PPP3CA: variants seen among roughly 807,000 people sequenced by gnomAD.
PPP3CA encodes protein phosphatase 3 catalytic subunit alpha.
PPP3CA carries 14 observed loss-of-function variants against 66.5 expected under a neutral mutation model. That is an observed-to-expected ratio of 0.21 (90% CI 0.14 to 0.33). The LOEUF (loss-of-function observed/expected upper bound fraction) is 0.33. PPP3CA is among the 10% of genes least tolerant of loss of function. PPP3CA has a pLI of 1.00. For synonymous variants in PPP3CA, 232 were observed against 226.2 expected, an observed-to-expected ratio of 1.03 and a Z score of -0.23; for missense variants, 317 against 639.5, an observed-to-expected ratio of 0.50 and a Z score of 5.44.
intron 1 of PPP3CA, among the ~76,000 whole-genome samples, chr4:101,272,247 T>C (rs1217891138): frequency 6.6e-6 from 1 of 152,208 alleles, no homozygotes; most frequent in Non-Finnish European, 1.5e-5. Context: ...ACATTCATTA[T>C]CTCATTTATC....
intron 2 of PPP3CA, among the ~76,000 whole-genome samples, chr4:101,142,377 G>A (rs571433892): frequency 5.9e-5 from 9 of 152,334 alleles, no homozygotes; most frequent in African/African-American, 1.9e-4. Context: ...GATATCGGCA[G>A]AGTAGTGGAG....
chr4:101,084,597 C>T (rs1375585828), intron 6 of PPP3CA, among the ~76,000 whole-genome samples: 4 of 150,658 alleles, frequency 2.7e-5, no homozygotes, highest in Non-Finnish European at 4.4e-5. Context: ...GAGTCGAGAA[C>T]GCACCATTGC....
chr4:101,195,398 T>C (rs1724756913), intron 2 of PPP3CA, among the ~76,000 whole-genome samples: 1 of 152,124 alleles, frequency 6.6e-6, no homozygotes, highest in Non-Finnish European at 1.5e-5. Flanking sequence ...GAGGGCTGGA[T>C]AAGACACAGA....
intron 10 of PPP3CA, among the ~76,000 whole-genome samples, chr4:101,044,149 C>G (rs1727659803): frequency 6.6e-6 from 1 of 152,120 alleles, no homozygotes; most frequent in Non-Finnish European, 1.5e-5. Flanking sequence ...TGTAAAGGAG[C>G]TGAACAACAG....
At chr4:101,092,670 G>T (rs1460986680) in intron 6 of PPP3CA, among the ~76,000 whole-genome samples, 1 of 151,880 alleles carries the variant, frequency 6.6e-6, no homozygotes, top group Non-Finnish European at 1.5e-5. Flanking sequence ...TCCCACTTAT[G>T]AGTGAGAACA....
At chr4:101,124,652 GGAGA>G (rs565496634) in intron 2 of PPP3CA, among the ~76,000 whole-genome samples, 2 of 123,292 alleles carry the variant, frequency 1.6e-5, no homozygotes, top group South Asian at 2.7e-4. Context: ...AGAAAGAGAG[GGAGA>G]GAGAGACAGA....
At chr4:101,253,667 G>T (rs903345048) in intron 1 of PPP3CA, among the ~76,000 whole-genome samples, 2 of 152,030 alleles carry the variant, frequency 1.3e-5, no homozygotes, top group Non-Finnish European at 2.9e-5. Context: ...TGTGTTTACA[G>T]ATTATCTGAT....
intron 1 of PPP3CA, among the ~76,000 whole-genome samples, chr4:101,301,718 C>T (rs1210328815): frequency 1.3e-5 from 2 of 148,862 alleles, no homozygotes; most frequent in Non-Finnish European, 3.0e-5. Flanking sequence ...GGTCTTAGCT[C>T]CTGACCTCGT....
intron 2 of PPP3CA, among the ~76,000 whole-genome samples, chr4:101,133,350 A>G (rs1393829310): frequency 6.6e-6 from 1 of 152,186 alleles, no homozygotes; most frequent in Non-Finnish European, 1.5e-5. Context: ...TTAGAAAAAC[A>G]CATCATCTCA....
At chr4:101,299,114 T>TTG (rs1207642683) in intron 1 of PPP3CA, among the ~76,000 whole-genome samples, 1 of 93,062 alleles carries the variant, frequency 1.1e-5, no homozygotes, top group African/African-American at 4.4e-5. Context: ...TCGTTTTTTT[T>TTG]TTTTTTTTTT....
intron 6 of PPP3CA, among the ~76,000 whole-genome samples, chr4:101,092,011 T>C (rs1490118326): frequency 1.3e-5 from 2 of 152,064 alleles, no homozygotes; most frequent in Admixed American, 6.6e-5. Flanking sequence ...TAAGAGACTT[T>C]AGTGAAACTG....
chr4:101,152,970 T>G (rs1723190894), intron 2 of PPP3CA, among the ~76,000 whole-genome samples: 1 of 152,002 alleles, frequency 6.6e-6, no homozygotes, highest in African/African-American at 2.4e-5. Flanking sequence ...AAAGGGTGAG[T>G]AAGGTTTATC....
At chr4:101,270,210 G>T (rs1727293470) in intron 1 of PPP3CA, among the ~76,000 whole-genome samples, 1 of 152,108 alleles carries the variant, frequency 6.6e-6, no homozygotes. Context: ...TATAGCTACT[G>T]CATAAAAAGG....
At chr4:101,089,524 CT>C (rs1044885231) in intron 6 of PPP3CA, among the ~76,000 whole-genome samples, 3 of 152,134 alleles carry the variant, frequency 2.0e-5, no homozygotes, top group Non-Finnish European at 4.4e-5. Context: ...TTTAAAAGAG[CT>C]TTAGGGTGTC....
intron 1 of PPP3CA, among the ~76,000 whole-genome samples, chr4:101,212,557 C>G (rs1444201506): frequency 6.6e-6 from 1 of 152,034 alleles, no homozygotes; most frequent in Non-Finnish European, 1.5e-5. Flanking sequence ...AGCAAACCAC[C>G]ATGGCACACG....
At chr4:101,077,736 C>A (rs1729252148) in intron 8 of PPP3CA, among the ~76,000 whole-genome samples, 1 of 151,906 alleles carries the variant, frequency 6.6e-6, no homozygotes. Context: ...AGTTCTACTC[C>A]CTTTCCTGAG....
At chr4:101,249,588 A>G (rs1296871489) in intron 1 of PPP3CA, among the ~76,000 whole-genome samples, 6 of 152,148 alleles carry the variant, frequency 3.9e-5, no homozygotes, top group Non-Finnish European at 8.8e-5. Context: ...TAAAATATTA[A>G]TATTTCAATT....
intron 1 of PPP3CA, among the ~76,000 whole-genome samples, chr4:101,247,577 T>A (rs1726528984): frequency 6.6e-6 from 1 of 152,308 alleles, no homozygotes; most frequent in Middle Eastern, 3.4e-3. Context: ...ATATTTACCA[T>A]GAGCAAAGAA....
At chr4:101,207,506 A>C (rs1725169881) in intron 1 of PPP3CA, among the ~76,000 whole-genome samples, 1 of 152,186 alleles carries the variant, frequency 6.6e-6, no homozygotes, top group Non-Finnish European at 1.5e-5. Flanking sequence ...CAAATGAAAA[A>C]TTTATTGAGA....
Sources: gnomAD v4.1 joint callset for allele counts (sites outside exome capture counted in the v4.1 genomes callset) on GRCh38, gnomAD v4.1.1 for gene constraint, MANE v1.5 for transcripts, NCBI Gene and HGNC (gene_info 2026-07-23, HGNC 2026-07-21) for gene names.